The following CD83 variants were observed in gnomAD, a reference collection of about 807,000 sequenced individuals.
The protein encoded by CD83 is CD83 antigen.
Under a neutral mutation model 24.6 loss-of-function variants are expected in CD83, and 22 were observed. The ratio of observed to expected loss-of-function variants is 0.90; its 90% CI spans 0.64 to 1.28. CD83 has a LOEUF of 1.28. Ranked by LOEUF, CD83 falls within the 50% of genes most tolerant of loss-of-function variation. The probability of loss-of-function intolerance (pLI) is 0.00; values close to 1 mark genes in which losing one functional copy is unlikely to be tolerated. For synonymous variants in CD83, 101 were observed against 103.5 expected (o/e 0.98, Z 0.14); for missense variants, 253 against 252.8 (o/e 1.00, Z -0.01).
In CD83 at chr6:14,129,290, G is replaced by A. The variant is rs181888981; in HGVS notation, c.154-2230G>A. Reference sequence around the variant, plus strand: ...CTAGACACAGATTGGCCCTGGATGGGCCTCGGTCTCTGGTCTCTTGAAAGC... The same window carrying A: ...CTAGACACAGATTGGCCCTGGATGGACCTCGGTCTCTGGTCTCTTGAAAGC... On this transcript the variant is annotated intron_variant, in intron 2 of 4. Transcript: ENST00000379153. This position sits in a 1 kb window ranked among gnomAD's most constrained non-coding sequence, Gnocchi z 4.3. Among the ~76,000 whole-genome samples, 2 of 152,334 alleles carry A rather than the reference G, an allele frequency of 1.3e-5. No homozygotes were observed. Among genetic ancestry groups the A allele is most frequent in the African/African-American group, 2.4e-5 (1 of 41,562 alleles).
intron 3 of CD83, among the ~76,000 whole-genome samples, chr6:14,133,387 C>A (rs914843931): frequency 1.3e-5 from 2 of 152,218 alleles, no homozygotes; most frequent in African/African-American, 4.8e-5. Context: ...TCGGCTCTTT[C>A]ATCTGTAAAA....
upstream of CD83, chr6:14,117,688 T>G (rs1759562211): frequency 3.0e-6 from 2 of 660,880 alleles, no homozygotes; most frequent in African/African-American, 1.9e-5. This position sits in a 1 kb window ranked among gnomAD's most constrained non-coding sequence, Gnocchi z 4.6. Context: ...CCGCTTCCGC[T>G]GCCCGCCGGG....
intron 3 of CD83, among the ~76,000 whole-genome samples, chr6:14,132,774 T>A (rs1177124117): frequency 6.6e-6 from 1 of 152,226 alleles, no homozygotes; most frequent in Non-Finnish European, 1.5e-5. Context: ...TTTCAGGGGT[T>A]GACATCTCTG....
rs772779206 is a variant in CD83, at chr6:14,117,794, C to T, written c.-18C>T. The stretch of plus-strand genomic sequence containing the variant: ...GCCACAGCTCTGCAGCTCGTGGCAG[C>T]GGCGCAGCGCTCCAGCCATGTCGCG... On this transcript the variant is annotated 5_prime_UTR_variant, in exon 1 of 5. Transcript: ENST00000379153. This position sits in a 1 kb window ranked among gnomAD's most constrained non-coding sequence, Gnocchi z 4.6. 1.3e-6 allele frequency: 2 copies of T among 1,501,440 alleles called. No homozygotes were observed. The highest frequency in any genetic ancestry group is 1.8e-6 in the Non-Finnish European group (2 of 1,128,176). The allele number at this position is 1,501,440 out of a possible 1,614,324, so 93.0% of individuals were successfully genotyped here. A position where few individuals can be genotyped will look rare whatever the true frequency, so the allele number is the denominator to read the frequency against.
At position 14,136,876 on chromosome 6, in the gene CD83, T is replaced by TA. The variant is rs1432297829; in HGVS notation, c.*1647dup. 3 of 151,738 alleles carry TA rather than the reference T, an allele frequency of 2.0e-5. 1 individual carries two copies. Among genetic ancestry groups the TA allele is most frequent in the South Asian group, 4.2e-4 (2 of 4,794 alleles). The allele number at this position is 151,738 out of a possible 1,614,324, so 9.4% of individuals were successfully genotyped here. On this transcript the variant is annotated 3_prime_UTR_variant, in exon 5 of 5. Coordinates refer to ENST00000379153, the MANE Select transcript of CD83 (RefSeq NM_004233.4). ...GTTAAAAATAAAAAACATATACAAA[T>TA]AAAAAAATCCCGACTTTGGGATGAG... is the stretch of plus-strand genomic sequence containing the variant.
At chr6:14,128,330 C>T (rs1023534739) in intron 2 of CD83, among the ~76,000 whole-genome samples, 7 of 152,194 alleles carry the variant, frequency 4.6e-5, no homozygotes, top group African/African-American at 1.7e-4. Context: ...GCTAGGGCCC[C>T]ACCCCCATTC....
At chr6:14,131,495 A>T in intron 2 of CD83, 25 bp from the exon 3 acceptor site, 1 of 1,564,604 alleles carries the variant, frequency 6.4e-7, no homozygotes, top group African/African-American at 1.4e-5. Flanking sequence ...GTGGACCGTG[A>T]TGCGCTCTGA....
Position 14,129,651 on chromosome 6 carries a change from C to T in CD83, c.154-1869C>T, listed in dbSNP as rs1759900579. Among the ~76,000 whole-genome samples, 1 of 152,198 alleles carries T rather than the reference C, an allele frequency of 6.6e-6. No homozygotes were observed. Among genetic ancestry groups the T allele is most frequent in the South Asian group, 2.1e-4 (1 of 4,818 alleles). The stretch of plus-strand genomic sequence containing the variant: ...TCCGCAGACTCGGCCTGAGAAGAGC[C>T]GTTCATCTCAGCTCAGGGCTGGGAG... On this transcript the variant is annotated intron_variant, in intron 2 of 4. Coordinates refer to ENST00000379153, the MANE Select transcript of CD83 (RefSeq NM_004233.4). The surrounding 1 kb of genome is among the most constrained non-coding windows in gnomAD (Gnocchi z 4.3).
At chr6:14,118,420 G>A (rs1405509128) in intron 2 of CD83, among the ~76,000 whole-genome samples, 1 of 152,190 alleles carries the variant, frequency 6.6e-6, no homozygotes, top group Non-Finnish European at 1.5e-5. Context: ...GAAAGCAACA[G>A]GGACCTAGAT....
intron 2 of CD83, among the ~76,000 whole-genome samples, chr6:14,124,842 C>G (rs1759748188): frequency 6.6e-6 from 1 of 152,088 alleles, no homozygotes; most frequent in South Asian, 2.1e-4. Context: ...ATTTCTGATG[C>G]TTGTGATTGT....
At chr6:14,133,057 A>G (rs1391847951) in intron 3 of CD83, among the ~76,000 whole-genome samples, 3 of 152,132 alleles carry the variant, frequency 2.0e-5, no homozygotes, top group Admixed American at 6.5e-5. Flanking sequence ...CTTCCACCCA[A>G]CCATGCTGGC....
At chr6:14,118,182 C>G (rs370839800) in intron 2 of CD83, 117 bp downstream of exon 2, 3 of 668,452 alleles carry the variant, frequency 4.5e-6, no homozygotes, top group African/African-American at 1.9e-5. Flanking sequence ...AGGGGCGTCT[C>G]CCGCAGCTGA....
chr6:14,119,113 A>G (rs3799926), intron 2 of CD83, among the ~76,000 whole-genome samples: 71,816 of 151,636 alleles, frequency 0.47, 17,246 homozygotes, highest in Middle Eastern at 0.58. Flanking sequence ...CTGGATGGTC[A>G]GTTCCCTGGG....
At chr6:14,118,470 T>G (rs2113383206) in intron 2 of CD83, among the ~76,000 whole-genome samples, 1 of 152,252 alleles carries the variant, frequency 6.6e-6, no homozygotes, top group African/African-American at 2.4e-5. Context: ...GACTTCTGAT[T>G]TCTTGTGTTT....
intron 3 of CD83, 90 bp downstream of exon 3, chr6:14,131,838 A>G: frequency 1.2e-6 from 1 of 818,044 alleles, no homozygotes; most frequent in Non-Finnish European, 2.0e-6. Flanking sequence ...TTTGGAGTGT[A>G]GCTCTAGAGC....
intron 2 of CD83, among the ~76,000 whole-genome samples, chr6:14,120,254 C>T (rs1759641614): frequency 6.6e-6 from 1 of 152,218 alleles, no homozygotes; most frequent in Middle Eastern, 3.4e-3. Context: ...TTTTTTAAAA[C>T]AGCTCTCAGC....
At chr6:14,121,353 T>G (rs1759664327) in intron 2 of CD83, among the ~76,000 whole-genome samples, 1 of 151,736 alleles carries the variant, frequency 6.6e-6, no homozygotes, top group South Asian at 2.1e-4. Flanking sequence ...TGTTTTTAAT[T>G]TTTTGTAGGG....
intron 2 of CD83, among the ~76,000 whole-genome samples, chr6:14,123,751 G>GAAA (rs10647098): frequency 0.091 from 9,346 of 103,132 alleles, 581 homozygotes; most frequent in East Asian, 0.23. Flanking sequence ...GAGTTAAATT[G>GAAA]AAAAAAAAAA....
chr6:14,132,342 C>A (rs933567569), intron 3 of CD83, among the ~76,000 whole-genome samples: 53 of 152,294 alleles, frequency 3.5e-4, no homozygotes, highest in African/African-American at 1.3e-3. Context: ...ATGAGAGGAA[C>A]CTTGCAGAGG....
Sources: allele counts gnomAD v4.1 joint callset (sites outside exome capture counted in the v4.1 genomes callset), GRCh38; gene constraint gnomAD v4.1.1; non-coding constraint Gnocchi (gnomAD v3.1); transcripts MANE v1.5; gene names NCBI Gene and HGNC (gene_info 2026-07-23, HGNC 2026-07-21).